The following ADD2 variants were observed in gnomAD, a reference collection of about 807,000 sequenced individuals.
The protein encoded by ADD2 is beta-adducin.
Under a neutral mutation model 83.0 loss-of-function variants are expected in ADD2, and 23 were observed. That is an observed-to-expected ratio of 0.28 (90% CI 0.20 to 0.39). The LOEUF (loss-of-function observed/expected upper bound fraction) is 0.39. ADD2 is among the 10% of genes least tolerant of loss of function. The probability of loss-of-function intolerance (pLI) is 1.00; values close to 1 mark genes in which losing one functional copy is unlikely to be tolerated. For synonymous variants in ADD2, 375 were observed against 375.4 expected (o/e 1.00, Z 0.01); for missense variants, 758 against 944.9 (o/e 0.80, Z 2.59).
chr2:70,739,474 T>A (rs537201084), intron 1 of ADD2, among the ~76,000 whole-genome samples: 1 of 152,340 alleles, frequency 6.6e-6, no homozygotes, highest in Admixed American at 6.5e-5. Flanking sequence ...AGCAGTGTGG[T>A]GATTCCTCAA....
chr2:70,674,284 A>G (rs1483236480), intron 14 of ADD2, among the ~76,000 whole-genome samples: 1 of 152,224 alleles, frequency 6.6e-6, no homozygotes, highest in Non-Finnish European at 1.5e-5. Flanking sequence ...TAAAGGAGCG[A>G]GAAAAAGACA....
At chr2:70,726,587 T>C (rs1190239159) in intron 1 of ADD2, among the ~76,000 whole-genome samples, 1 of 152,206 alleles carries the variant, frequency 6.6e-6, no homozygotes, top group Non-Finnish European at 1.5e-5. Context: ...AATGGAAATG[T>C]TGGTGACAGA....
At chr2:70,747,227 G>T (rs1553382175) in intron 1 of ADD2, among the ~76,000 whole-genome samples, 1 of 152,048 alleles carries the variant, frequency 6.6e-6, no homozygotes, top group African/African-American at 2.4e-5. Context: ...AGCCAGGATG[G>T]TCTCGATCTC....
chr2:70,681,715 A>G (rs1430937540), intron 10 of ADD2, among the ~76,000 whole-genome samples: 4 of 151,542 alleles, frequency 2.6e-5, no homozygotes, highest in African/African-American at 9.7e-5. Context: ...TAACCATATT[A>G]TCTGTAAATA....
At chr2:70,684,401 C>T (rs966929545) in intron 9 of ADD2, among the ~76,000 whole-genome samples, 14 of 152,158 alleles carry the variant, frequency 9.2e-5, no homozygotes, top group African/African-American at 1.9e-4. Flanking sequence ...ATGTGCACTA[C>T]CACATTCAGC....
chr2:70,671,508 T>A (rs527697057), intron 15 of ADD2, among the ~76,000 whole-genome samples: 1 of 150,506 alleles, frequency 6.6e-6, no homozygotes, highest in Non-Finnish European at 1.5e-5. Context: ...AAAAAAAAAA[T>A]CCTCCCTCCC....
chr2:70,707,252 T>C (rs1432569848), intron 2 of ADD2, among the ~76,000 whole-genome samples: 1 of 152,234 alleles, frequency 6.6e-6, no homozygotes, highest in Non-Finnish European at 1.5e-5. Flanking sequence ...ACTTTATTAA[T>C]GGAAAATTAT....
intron 8 of ADD2, among the ~76,000 whole-genome samples, chr2:70,689,598 T>C (rs920774929): frequency 6.6e-6 from 1 of 152,214 alleles, no homozygotes; most frequent in Non-Finnish European, 1.5e-5. Context: ...CTCTAAATAA[T>C]GTTCTGGAGG....
chr2:70,710,833 G>T (rs1257034706), intron 2 of ADD2, among the ~76,000 whole-genome samples: 1 of 152,202 alleles, frequency 6.6e-6, no homozygotes, highest in African/African-American at 2.4e-5. Flanking sequence ...AATGTATGTG[G>T]AGTATTTAAA....
chr2:70,699,481 T>C (rs1303001728), intron 4 of ADD2, among the ~76,000 whole-genome samples: 1 of 152,106 alleles, frequency 6.6e-6, no homozygotes, highest in African/African-American at 2.4e-5. Context: ...ATAGGAAGTT[T>C]ACAAAAAATA....
intron 1 of ADD2, among the ~76,000 whole-genome samples, chr2:70,756,006 C>T (rs1335457525): frequency 1.3e-5 from 2 of 150,556 alleles, no homozygotes; most frequent in Non-Finnish European, 2.9e-5. Flanking sequence ...TTGCAGTGAG[C>T]CGAGATCACG....
chr2:70,723,982 T>C (rs1672857021), intron 1 of ADD2, among the ~76,000 whole-genome samples: 1 of 152,328 alleles, frequency 6.6e-6, no homozygotes, highest in Non-Finnish European at 1.5e-5. Flanking sequence ...ATATACTGGT[T>C]AGCAAACAAA....
chr2:70,710,297 G>T (rs781955079), intron 2 of ADD2, among the ~76,000 whole-genome samples: 12 of 152,278 alleles, frequency 7.9e-5, no homozygotes, highest in South Asian at 2.1e-4. Flanking sequence ...GGCAGGAAAA[G>T]GTTGACCCTC....
At chr2:70,681,920 G>A (rs1354365127) in intron 10 of ADD2, among the ~76,000 whole-genome samples, 1 of 152,154 alleles carries the variant, frequency 6.6e-6, no homozygotes, top group East Asian at 1.9e-4. Context: ...GTCTTGCTAT[G>A]TTGCCCAGGC....
intron 1 of ADD2, among the ~76,000 whole-genome samples, chr2:70,739,973 A>C (rs747605436): frequency 4.6e-5 from 7 of 152,208 alleles, no homozygotes; most frequent in Non-Finnish European, 7.4e-5. Flanking sequence ...TCCCCGTGAC[A>C]CAAGTTTACC....
At chr2:70,760,214 G>A (rs375297715) in intron 1 of ADD2, among the ~76,000 whole-genome samples, 1 of 152,128 alleles carries the variant, frequency 6.6e-6, no homozygotes, top group African/African-American at 2.4e-5. Context: ...AAACCTACAC[G>A]TGCGTGTTTA....
At chr2:70,767,214 GGA>G (rs1161384023) in intron 1 of ADD2, 1 of 152,866 alleles carries the variant, frequency 6.5e-6, no homozygotes, top group Non-Finnish European at 1.5e-5. Flanking sequence ...GGGGAGGCAG[GGA>G]GAGGAGAGGG....
chr2:70,762,565 A>C (rs1675170120), intron 1 of ADD2, among the ~76,000 whole-genome samples: 1 of 151,240 alleles, frequency 6.6e-6, no homozygotes, highest in Admixed American at 6.6e-5. Context: ...GTAAAAACAT[A>C]TAAAATATAC....
intron 4 of ADD2, among the ~76,000 whole-genome samples, chr2:70,700,500 T>A (rs1004494331): frequency 3.9e-5 from 6 of 152,136 alleles, no homozygotes; most frequent in African/African-American, 1.4e-4. Context: ...ATTATTGAAT[T>A]CAGTATAAAA....
Sources: allele counts gnomAD v4.1 joint callset (sites outside exome capture counted in the v4.1 genomes callset), GRCh38; gene constraint gnomAD v4.1.1; transcripts MANE v1.5; gene names NCBI Gene and HGNC (gene_info 2026-07-23, HGNC 2026-07-21).